The following DOK6 variants were observed in gnomAD, a reference collection of about 807,000 sequenced individuals.
The protein encoded by DOK6 is downstream of tyrosine kinase 6.
A neutral mutation model predicts 44.0 loss-of-function variants in DOK6; 22 were observed. The observed-to-expected ratio is 0.50, with a 90% CI of 0.36 to 0.71. The LOEUF is 0.71. DOK6 is among the 30% of genes least tolerant of loss of function. DOK6 has a pLI of 0.00. For synonymous variants in DOK6, 166 were observed against 145.5 expected, an observed-to-expected ratio of 1.14 and a Z score of -1.01; for missense variants, 340 against 416.4, an observed-to-expected ratio of 0.82 and a Z score of 1.60.
At chr18:69,530,230 G>C (rs890317917) in intron 1 of DOK6, among the ~76,000 whole-genome samples, 2 of 152,136 alleles carry the variant, frequency 1.3e-5, no homozygotes, top group African/African-American at 2.4e-5. Flanking sequence ...ACCACACTAT[G>C]TTGACTACTG....
intron 1 of DOK6, among the ~76,000 whole-genome samples, chr18:69,418,448 A>G (rs1463533237): frequency 1.3e-5 from 2 of 152,122 alleles, no homozygotes; most frequent in Admixed American, 1.3e-4. Flanking sequence ...AGTAGAATTT[A>G]TATTTAAATA....
intron 1 of DOK6, among the ~76,000 whole-genome samples, chr18:69,494,824 T>C (rs1021502836): frequency 6.6e-6 from 1 of 152,338 alleles, no homozygotes; most frequent in Admixed American, 6.5e-5. Flanking sequence ...TGCAGGATCC[T>C]TGGGGTGACG....
At chr18:69,599,599 G>A in intron 3 of DOK6, 101 bp downstream of exon 3, 1 of 860,290 alleles carries the variant, frequency 1.2e-6, no homozygotes, top group Non-Finnish European at 1.8e-6. Flanking sequence ...ATGGCCTACT[G>A]TCATGAGAAT....
chr18:69,626,425 A>G (rs1332880092), intron 3 of DOK6, among the ~76,000 whole-genome samples: 1 of 152,232 alleles, frequency 6.6e-6, no homozygotes, highest in Non-Finnish European at 1.5e-5. Flanking sequence ...TTATTCATCA[A>G]GTCAGAAAAT....
intron 2 of DOK6, among the ~76,000 whole-genome samples, chr18:69,574,967 C>T (rs1035404559): frequency 3.3e-5 from 5 of 151,982 alleles, no homozygotes; most frequent in Non-Finnish European, 5.9e-5. Context: ...ATTTAGGTGA[C>T]GTTCTCCAGG....
At chr18:69,448,548 A>G (rs147472332) in intron 1 of DOK6, among the ~76,000 whole-genome samples, 1,892 of 151,890 alleles carry the variant, frequency 0.012, 22 homozygotes, top group Non-Finnish European at 0.019. Flanking sequence ...ATGTTTTTGT[A>G]TTTTTAGTAG....
At chr18:69,617,334 AAGAAAGAAAGAAAG>A (rs995987745) in intron 3 of DOK6, among the ~76,000 whole-genome samples, 1 of 151,480 alleles carries the variant, frequency 6.6e-6, no homozygotes, top group African/African-American at 2.4e-5. Flanking sequence ...AAAGAAAAGA[AAGAAAGAAAGAAAG>A]AGAAAGAAAG....
intron 1 of DOK6, among the ~76,000 whole-genome samples, chr18:69,500,590 A>G (rs574177858): frequency 2.6e-5 from 4 of 152,180 alleles, no homozygotes; most frequent in Non-Finnish European, 5.9e-5. Context: ...CCTGATACAG[A>G]GAAGGCAATT....
intron 7 of DOK6, among the ~76,000 whole-genome samples, chr18:69,780,564 C>T (rs558823848): frequency 6.6e-6 from 1 of 152,318 alleles, no homozygotes; most frequent in East Asian, 1.9e-4. Flanking sequence ...TGCACTCCAG[C>T]CTGGGCAACA....
chr18:69,700,216 C>CATAGATATATATATATATAT (rs1555724860), intron 5 of DOK6, among the ~76,000 whole-genome samples: 1 of 124,762 alleles, frequency 8.0e-6, no homozygotes. Context: ...CATATATATA[C>CATAGATATATATATATATAT]ATATATATAT....
chr18:69,694,058 CAAAAAAAAAAAA>C (rs60662789), intron 4 of DOK6, among the ~76,000 whole-genome samples: 20 of 62,006 alleles, frequency 3.2e-4, no homozygotes, highest in Admixed American at 7.2e-4. Flanking sequence ...GACTCCGTGT[CAAAAAAAAAAAA>C]AAAAAAAAAA....
At chr18:69,765,608 C>T (rs887796515) in intron 7 of DOK6, among the ~76,000 whole-genome samples, 1 of 152,146 alleles carries the variant, frequency 6.6e-6, no homozygotes, top group African/African-American at 2.4e-5. Flanking sequence ...TACAAACCTG[C>T]TTATTCCACT....
intron 7 of DOK6, among the ~76,000 whole-genome samples, chr18:69,772,833 G>A (rs1318034604): frequency 6.6e-6 from 1 of 151,884 alleles, no homozygotes. Flanking sequence ...AGCATAAGTA[G>A]GTAAGTGGCA....
intron 6 of DOK6, among the ~76,000 whole-genome samples, chr18:69,744,940 A>AG (rs1978935661): frequency 6.6e-6 from 1 of 151,218 alleles, no homozygotes; most frequent in Admixed American, 6.6e-5. Context: ...AAAAAAAAAA[A>AG]AAAAAAACAC....
Position 69,811,589 on chromosome 18 carries a change from G to A in DOK6, c.857-29655G>A, listed in dbSNP as rs971462060. 5.7e-5 allele frequency among the ~76,000 whole-genome samples: 7 copies of A among 123,276 alleles called. No homozygotes were observed. In the East Asian group the frequency reaches 7.1e-4, roughly 12 times the overall value. The allele number at this position is 123,276 out of a possible 152,430, so 80.9% of individuals were successfully genotyped here. On this transcript the variant is annotated intron_variant, in intron 7 of 7. Coordinates refer to ENST00000382713, the MANE Select transcript of DOK6 (RefSeq NM_152721.6). Reference sequence around the variant, plus strand: ...ATATATATATATATCAAAACACTACGTTGTACACAATCAATATATACAATT... The same window carrying A: ...ATATATATATATATCAAAACACTACATTGTACACAATCAATATATACAATT...
At chr18:69,712,862 G>A (rs1487839434) in intron 5 of DOK6, among the ~76,000 whole-genome samples, 1 of 152,166 alleles carries the variant, frequency 6.6e-6, no homozygotes, top group Admixed American at 6.5e-5. Context: ...CAACAAAAAT[G>A]TGCATTGGAA....
intron 2 of DOK6, among the ~76,000 whole-genome samples, chr18:69,596,578 T>G (rs950712641): frequency 1.4e-5 from 2 of 146,470 alleles, no homozygotes; most frequent in Non-Finnish European, 3.0e-5. Context: ...CAGTGGAAAG[T>G]ATATTCAAAG....
At chr18:69,439,184 G>T (rs1378847420) in intron 1 of DOK6, among the ~76,000 whole-genome samples, 1 of 152,168 alleles carries the variant, frequency 6.6e-6, no homozygotes, top group East Asian at 1.9e-4. Flanking sequence ...CTAAGCAGTA[G>T]GTCTCAACAT....
chr18:69,781,078 A>T (rs761624345), intron 7 of DOK6, among the ~76,000 whole-genome samples: 2 of 152,204 alleles, frequency 1.3e-5, no homozygotes, highest in Non-Finnish European at 2.9e-5. Context: ...CTACCAAGAG[A>T]AAACACTCTG....
Sources: gnomAD v4.1 joint callset for allele counts (sites outside exome capture counted in the v4.1 genomes callset) on GRCh38, gnomAD v4.1.1 for gene constraint, MANE v1.5 for transcripts, NCBI Gene and HGNC (gene_info 2026-07-23, HGNC 2026-07-21) for gene names.